The following HOXC5 variants were observed in gnomAD, a reference collection of about 807,000 sequenced individuals.
The protein encoded by HOXC5 is homeobox C5, also known as homeobox protein Hox-C5.
HOXC5 carries 19 observed loss-of-function variants against 20.1 expected under a neutral mutation model. The observed-to-expected ratio is 0.94, with a 90% CI of 0.66 to 1.38. The LOEUF (loss-of-function observed/expected upper bound fraction) is 1.38. Ranked by LOEUF, HOXC5 falls within the 40% of genes most tolerant of loss-of-function variation. The pLI, the probability that HOXC5 is intolerant of heterozygous loss-of-function variation, is 0.00. For synonymous variants in HOXC5, 124 were observed against 117.0 expected, an observed-to-expected ratio of 1.06 and a Z score of -0.39; for missense variants, 330 against 300.1, an observed-to-expected ratio of 1.10 and a Z score of -0.74.
chr12:54,024,209 T>G, the HOXC5 span, among the ~76,000 whole-genome samples: 1 of 151,952 alleles, frequency 6.6e-6, no homozygotes, highest in Non-Finnish European at 1.5e-5. Context: ...GGGCAACCGT[T>G]CTTCTCTTGC....
the HOXC5 span, among the ~76,000 whole-genome samples, chr12:54,018,311 C>T: frequency 6.6e-6 from 1 of 152,354 alleles, no homozygotes; most frequent in African/African-American, 2.4e-5. Context: ...CCGCTCGCCA[C>T]GCATGGCTGC....
At chr12:54,023,556 T>C in the HOXC5 span, among the ~76,000 whole-genome samples, 2 of 152,134 alleles carry the variant, frequency 1.3e-5, no homozygotes, top group Non-Finnish European at 2.9e-5. Flanking sequence ...GCGCAGGCCT[T>C]GGAGGTGTTT....
rs1483000704 is a variant in HOXC5, at chr12:54,034,702, C to CCTCAGCTCGGCTCAGCTCGGTACCCGGGG, written c.*212_*240dup. On this transcript the variant is annotated 3_prime_UTR_variant, in exon 2 of 2. Transcript: ENST00000312492. The stretch of plus-strand genomic sequence containing the variant: ...GGGCTGTCGGCGCTGCCCCATCTCC[C>CCTCAGCTCGGCTCAGCTCGGTACCCGGGG]CTCAGCTCGGCTCAGCTCGGTACCC... The CCTCAGCTCGGCTCAGCTCGGTACCCGGGG allele has an allele frequency of 7.5e-5, 42 of 562,766 alleles. No homozygotes were observed. The highest frequency in any genetic ancestry group is 1.3e-4 in the Non-Finnish European group (40 of 315,074). The allele number at this position is 562,766 out of a possible 1,614,324, so 34.9% of individuals were successfully genotyped here. A position where few individuals can be genotyped will look rare whatever the true frequency, so the allele number is the denominator to read the frequency against.
At chr12:54,028,769 T>C, upstream of HOXC5, 2 of 1,614,038 alleles carry the variant, frequency 1.2e-6, no homozygotes, top group Non-Finnish European at 8.5e-7. Context: ...GAGAAAGACA[T>C]GCTCTCAAAC....
chr12:54,022,188 T>C, the HOXC5 span: 1 of 151,986 alleles, frequency 6.6e-6, no homozygotes, highest in African/African-American at 2.4e-5. Context: ...ACTACCCCAC[T>C]CCTTTCTGCA....
chr12:54,034,219 C>A, intron 1 of HOXC5, 59 bp from the exon 2 acceptor site: 3 of 1,467,946 alleles, frequency 2.0e-6, no homozygotes, highest in Admixed American at 1.7e-5. Flanking sequence ...GGGGTGGGGA[C>A]GGGGGAACGC....
At position 54,034,591 on chromosome 12, in the gene HOXC5, G is replaced by A. The variant is rs1033589649; in HGVS notation, c.*99G>A. 7.0e-6 allele frequency: 7 copies of A among 998,792 alleles called. No individual in the cohort carries two copies. The African/African-American group carries it at 1.1e-4, about 16-fold the overall frequency. 61.9% of individuals were successfully genotyped at this position (998,792 alleles called of 1,614,324 possible). A position where few individuals can be genotyped will look rare whatever the true frequency, so the allele number is the denominator to read the frequency against. ...TCTCTATATTTCGGGTCGGGGGCAG[G>A]TGCTGGAGCACTGGGCTCCCGGGCC... is the stretch of plus-strand genomic sequence containing the variant. On this transcript the variant is annotated 3_prime_UTR_variant, in exon 2 of 2. Coordinates refer to ENST00000312492, the MANE Select transcript of HOXC5 (RefSeq NM_018953.4).
upstream of HOXC5, among the ~76,000 whole-genome samples, chr12:54,031,748 A>G (rs953230799): frequency 2.0e-5 from 3 of 152,094 alleles, no homozygotes; most frequent in African/African-American, 7.2e-5. Flanking sequence ...GGCGGGGCGG[A>G]GATTTCCTGG....
At chr12:54,025,087 G>A in the HOXC5 span, among the ~76,000 whole-genome samples, 1 of 152,204 alleles carries the variant, frequency 6.6e-6, no homozygotes. Flanking sequence ...AAGGAGACCT[G>A]CAAGCCTGAT....
chr12:54,027,589 C>G, the HOXC5 span, among the ~76,000 whole-genome samples: 1 of 152,224 alleles, frequency 6.6e-6, no homozygotes, highest in Admixed American at 6.5e-5. Flanking sequence ...GTCTTTCCCC[C>G]TCCGGTGCCA....
At chr12:54,024,849 A>G in the HOXC5 span, among the ~76,000 whole-genome samples, 1 of 152,248 alleles carries the variant, frequency 6.6e-6, no homozygotes, top group East Asian at 1.9e-4. Context: ...TCCAAGGCGC[A>G]GGCAGTAAAT....
At chr12:54,030,765 C>T (rs1727290217), upstream of HOXC5, 1 of 152,542 alleles carries the variant, frequency 6.6e-6, no homozygotes. Flanking sequence ...CTGTATAAAT[C>T]CAACCTCTGG....
chr12:54,023,778 T>C, the HOXC5 span, among the ~76,000 whole-genome samples: 1 of 152,308 alleles, frequency 6.6e-6, no homozygotes, highest in East Asian at 1.9e-4. Context: ...CTTTTTGGAA[T>C]GCGGTGTGTG....
upstream of HOXC5, chr12:54,029,858 C>T (rs771141589): frequency 1.6e-5 from 26 of 1,613,680 alleles, no homozygotes; most frequent in South Asian, 2.6e-4. Flanking sequence ...AGAATCTAAT[C>T]TCACATCCAC....
the HOXC5 span, among the ~76,000 whole-genome samples, chr12:54,023,031 G>A: frequency 6.6e-6 from 1 of 152,164 alleles, no homozygotes; most frequent in Non-Finnish European, 1.5e-5. Context: ...CCTGGGCCAA[G>A]CAGGGCCACT....
upstream of HOXC5, among the ~76,000 whole-genome samples, chr12:54,032,046 C>T (rs1165280435): frequency 1.3e-5 from 2 of 152,212 alleles, no homozygotes; most frequent in Non-Finnish European, 1.5e-5. Flanking sequence ...TCTCCATGTC[C>T]TCAATTAACA....
At chr12:54,030,088 G>A (rs1393870765), upstream of HOXC5, 2 of 994,140 alleles carry the variant, frequency 2.0e-6, no homozygotes, top group African/African-American at 1.6e-5. Flanking sequence ...AACAAAATTA[G>A]GGAGTCAAAC....
the HOXC5 span, among the ~76,000 whole-genome samples, chr12:54,018,639 C>T: frequency 6.6e-6 from 1 of 152,228 alleles, no homozygotes; most frequent in Non-Finnish European, 1.5e-5. Flanking sequence ...TGATATATGA[C>T]CCCGCCCTGC....
upstream of HOXC5, chr12:54,029,805 A>G (rs1251570174): frequency 6.2e-7 from 1 of 1,614,106 alleles, no homozygotes. Flanking sequence ...ACCGAGCGAC[A>G]GATCAAAATC....
Sources: allele counts gnomAD v4.1 joint callset (sites outside exome capture counted in the v4.1 genomes callset), GRCh38; gene constraint gnomAD v4.1.1; transcripts MANE v1.5; gene names NCBI Gene and HGNC (gene_info 2026-07-23, HGNC 2026-07-21).